NR6A1: variants seen among roughly 807,000 people sequenced by gnomAD.
NR6A1 encodes nuclear receptor subfamily 6 group A member 1.
NR6A1 carries 7 observed loss-of-function variants against 59.1 expected under a neutral mutation model. The ratio of observed to expected loss-of-function variants is 0.12; its 90% confidence interval spans 0.07 to 0.22. The LOEUF (loss-of-function observed/expected upper bound fraction) is 0.22, where lower values mean the gene tolerates loss of function less well. NR6A1 is among the 10% of genes least tolerant of loss of function. The pLI, the probability that NR6A1 is intolerant of heterozygous loss-of-function variation, is 1.00. For missense variants in NR6A1, 468 were observed against 611.6 expected (o/e 0.77, Z 2.48); for synonymous variants, 243 against 236.1 (o/e 1.03, Z -0.27).
chr9:124,698,952 A>G (rs1367421026), intron 2 of NR6A1, among the ~76,000 whole-genome samples: 2 of 152,116 alleles, frequency 1.3e-5, no homozygotes, highest in African/African-American at 4.8e-5. Context: ...CTTCCCAGTA[A>G]GTAGTTGGGG....
chr9:124,536,220 A>C, intron 6 of NR6A1, 88 bp from the exon 7 acceptor site: 2 of 1,459,150 alleles, frequency 1.4e-6, no homozygotes, highest in Non-Finnish European at 1.9e-6. Flanking sequence ...AAGGGCACAA[A>C]GGGACCCTGG....
intron 2 of NR6A1, among the ~76,000 whole-genome samples, chr9:124,669,914 A>T (rs1244031782): frequency 6.6e-6 from 1 of 152,184 alleles, no homozygotes; most frequent in Non-Finnish European, 1.5e-5. Context: ...CTTGACTCAT[A>T]GGAATAAATA....
Position 124,579,576 on chromosome 9 carries a change from G to A in NR6A1, c.143-25006C>T, listed in dbSNP as rs1224714968. ...AAAATAAAAAATAATAAAACTACAT[G>A]TTAGAATGGCTAAAATTAAAAAAAA... On this transcript the variant is annotated intron_variant, in intron 2 of 9. Coordinates refer to ENST00000487099, the MANE Select transcript of NR6A1 (RefSeq NM_033334.4). Among the ~76,000 whole-genome samples the A allele has an allele frequency of 3.3e-5, 5 of 151,924 alleles. No homozygotes were observed. The East Asian group carries it at 9.7e-4, about 30-fold the overall frequency.
chr9:124,744,708 G>T (rs1359372149), intron 1 of NR6A1, among the ~76,000 whole-genome samples: 1 of 152,244 alleles, frequency 6.6e-6, no homozygotes, highest in African/African-American at 2.4e-5. Context: ...TGAGGGAAGT[G>T]AAGATGTTTT....
chr9:124,648,952 A>G (rs764331913), intron 2 of NR6A1, among the ~76,000 whole-genome samples: 6 of 152,112 alleles, frequency 3.9e-5, no homozygotes, highest in Non-Finnish European at 8.8e-5. Context: ...AAATTGTGGG[A>G]TTACACACAA....
intron 4 of NR6A1, 86 bp from the exon 5 acceptor site, chr9:124,540,273 G>T: frequency 7.1e-7 from 1 of 1,405,126 alleles, no homozygotes; most frequent in South Asian, 1.4e-5. Context: ...AAATCTCATA[G>T]GATTTCCCAG....
At chr9:124,735,770 T>G (rs985147032) in intron 1 of NR6A1, among the ~76,000 whole-genome samples, 1 of 152,194 alleles carries the variant, frequency 6.6e-6, no homozygotes, top group African/African-American at 2.4e-5. Flanking sequence ...TCTGGAGCCG[T>G]GAAGTCCAAG....
chr9:124,689,972 T>A (rs1337222603), intron 2 of NR6A1, among the ~76,000 whole-genome samples: 1 of 152,110 alleles, frequency 6.6e-6, no homozygotes, highest in South Asian at 2.1e-4. Flanking sequence ...GGAAAAACAA[T>A]CCCTAGGATT....
At chr9:124,678,748 G>A (rs1019486376) in intron 2 of NR6A1, among the ~76,000 whole-genome samples, 1 of 152,122 alleles carries the variant, frequency 6.6e-6, no homozygotes, top group Non-Finnish European at 1.5e-5. Context: ...ATCCCTGGAC[G>A]AGTTACAAAG....
intron 2 of NR6A1, chr9:124,698,232 G>T (rs41306710): frequency 1.1e-4 from 16 of 152,100 alleles, no homozygotes; most frequent in Non-Finnish European, 2.1e-4. Context: ...TTTCTACTCT[G>T]GTTTCTCTTC....
At chr9:124,677,116 A>G (rs1464544550) in intron 2 of NR6A1, among the ~76,000 whole-genome samples, 1 of 152,218 alleles carries the variant, frequency 6.6e-6, no homozygotes, top group African/African-American at 2.4e-5. Context: ...AGAAAAAAAA[A>G]GGCCTTAGTG....
At chr9:124,624,963 A>G (rs891387140) in intron 2 of NR6A1, among the ~76,000 whole-genome samples, 28 of 148,178 alleles carry the variant, frequency 1.9e-4, no homozygotes, top group African/African-American at 6.5e-4. Context: ...GAGTCATCTG[A>G]AAACAAAATC....
At chr9:124,612,793 T>TTTTTTC (rs1554733280) in intron 2 of NR6A1, among the ~76,000 whole-genome samples, 1 of 145,464 alleles carries the variant, frequency 6.9e-6, no homozygotes, top group Admixed American at 6.9e-5. Context: ...TCTTTCTTTC[T>TTTTTTC]TTTCTTTCTT....
intron 2 of NR6A1, among the ~76,000 whole-genome samples, chr9:124,692,981 T>C (rs16927589): frequency 0.023 from 3,535 of 152,344 alleles, 109 homozygotes; most frequent in East Asian, 0.097. Flanking sequence ...TATCCAATTG[T>C]GACAGTTCTT....
At chr9:124,557,243 T>G (rs778876971) in intron 2 of NR6A1, among the ~76,000 whole-genome samples, 3 of 152,112 alleles carry the variant, frequency 2.0e-5, no homozygotes, top group Admixed American at 6.6e-5. Flanking sequence ...CAAGTAATGA[T>G]CCTGCCTCAG....
intron 2 of NR6A1, among the ~76,000 whole-genome samples, chr9:124,616,514 A>G (rs1423531445): frequency 1.3e-5 from 2 of 151,988 alleles, no homozygotes; most frequent in East Asian, 1.9e-4. Flanking sequence ...TAAGCATAAC[A>G]TGAAATCCAG....
At chr9:124,755,581 A>C (rs1453676837) in intron 1 of NR6A1, among the ~76,000 whole-genome samples, 2 of 152,182 alleles carry the variant, frequency 1.3e-5, no homozygotes, top group Admixed American at 6.5e-5. Flanking sequence ...GACACATAAA[A>C]CCTAACTTTT....
chr9:124,605,151 C>T (rs1044940643), intron 2 of NR6A1, among the ~76,000 whole-genome samples: 1 of 152,164 alleles, frequency 6.6e-6, no homozygotes, highest in Admixed American at 6.5e-5. Flanking sequence ...GTCTCTATAT[C>T]CATCTTCTAA....
intron 2 of NR6A1, among the ~76,000 whole-genome samples, chr9:124,618,427 G>T (rs1241302626): frequency 1.3e-5 from 2 of 152,108 alleles, no homozygotes; most frequent in Admixed American, 1.3e-4. Context: ...AGGTTGCATT[G>T]AGCCGAGATT....
Sources: gnomAD v4.1 joint callset for allele counts (sites outside exome capture counted in the v4.1 genomes callset) on GRCh38, gnomAD v4.1.1 for gene constraint, MANE v1.5 for transcripts, NCBI Gene and HGNC (gene_info 2026-07-23, HGNC 2026-07-21) for gene names.